NDC1: variants seen among roughly 807,000 people sequenced by gnomAD.
NDC1 encodes NDC1 transmembrane nucleoporin.
NDC1 carries 24 observed loss-of-function variants against 89.8 expected under a neutral mutation model. The ratio of observed to expected loss-of-function variants is 0.27; its 90% confidence interval spans 0.19 to 0.38. The LOEUF is 0.38. Ranked by LOEUF, NDC1 falls within the 10% of genes least tolerant of loss-of-function variation. The probability of loss-of-function intolerance (pLI) is 1.00; values close to 1 mark genes in which losing one functional copy is unlikely to be tolerated. For synonymous variants in NDC1, 296 were observed against 284.8 expected, an observed-to-expected ratio of 1.04 and a Z score of -0.39; for missense variants, 728 against 797.6, an observed-to-expected ratio of 0.91 and a Z score of 1.05.
chr1:53,783,805 C>T (rs1647243150), intron 16 of NDC1, among the ~76,000 whole-genome samples: 1 of 152,172 alleles, frequency 6.6e-6, no homozygotes. Context: ...AGATGCAGCC[C>T]CTTAATCTTG....
At position 53,796,659 on chromosome 1, in the gene NDC1, A is replaced by G. The variant is rs772035710; in HGVS notation, c.1584+30T>C. On this transcript the variant is annotated intron_variant, in intron 13 of 17. Coordinates refer to ENST00000371429, the MANE Select transcript of NDC1 (RefSeq NM_018087.5). ...CTTAATGTTCTCAATTTTACATGCA[A>G]ATATAAATCCTATAACCATATCATC... 3.6e-6 allele frequency: 5 copies of G among 1,400,160 alleles called. No individual in the cohort carries two copies. In the African/African-American group the frequency reaches 7.2e-5, roughly 20 times the overall value. The allele number at this position is 1,400,160 out of a possible 1,614,324, so 86.7% of individuals were successfully genotyped here.
chr1:53,793,047 AGTGAGAT>A (rs1647574868), intron 14 of NDC1, among the ~76,000 whole-genome samples, 175 bp downstream of exon 14: 1 of 152,234 alleles, frequency 6.6e-6, no homozygotes, highest in Non-Finnish European at 1.5e-5. Flanking sequence ...AAGCCACTGA[AGTGAGAT>A]GTGTGTCTAG....
At chr1:53,808,448 A>AC (rs1353633334) in intron 7 of NDC1, among the ~76,000 whole-genome samples, 1 of 152,222 alleles carries the variant, frequency 6.6e-6, no homozygotes, top group African/African-American at 2.4e-5. Flanking sequence ...CCTCATCCAT[A>AC]TAAGAGTGGC....
intron 13 of NDC1, among the ~76,000 whole-genome samples, chr1:53,794,211 A>C (rs1647619723): frequency 6.6e-6 from 1 of 152,294 alleles, no homozygotes; most frequent in South Asian, 2.1e-4. Context: ...CCCGGGCTCA[A>C]GCAATGTTCC....
At chr1:53,780,334 A>G (rs1311347713) in intron 16 of NDC1, among the ~76,000 whole-genome samples, 2 of 152,134 alleles carry the variant, frequency 1.3e-5, no homozygotes, top group African/African-American at 2.4e-5. Context: ...TCAGCCTCCC[A>G]AAGTCCTGGG....
At chr1:53,796,249 A>T (rs1647693503) in intron 13 of NDC1, among the ~76,000 whole-genome samples, 1 of 152,178 alleles carries the variant, frequency 6.6e-6, no homozygotes, top group South Asian at 2.1e-4. Context: ...GTTGAGATGC[A>T]TCTTACAGTC....
chr1:53,826,070 T>A, intron 4 of NDC1, 134 bp from the exon 5 acceptor site: 1 of 823,122 alleles, frequency 1.2e-6, no homozygotes, highest in Non-Finnish European at 1.9e-6. Flanking sequence ...ACAAGATGGC[T>A]CGTTTTCAGT....
At chr1:53,786,842 A>T (rs546555597) in intron 16 of NDC1, among the ~76,000 whole-genome samples, 2 of 152,214 alleles carry the variant, frequency 1.3e-5, no homozygotes, top group South Asian at 4.1e-4. Flanking sequence ...GACTACAAGC[A>T]TACACCACCA....
chr1:53,792,099 C>A (rs191532082), intron 14 of NDC1, among the ~76,000 whole-genome samples: 2 of 151,798 alleles, frequency 1.3e-5, no homozygotes, highest in African/African-American at 4.9e-5. Flanking sequence ...CCCACCACTG[C>A]GCCTGGCTAA....
At chr1:53,829,302 C>G (rs1164528905) in intron 3 of NDC1, among the ~76,000 whole-genome samples, 1 of 152,144 alleles carries the variant, frequency 6.6e-6, no homozygotes, top group Non-Finnish European at 1.5e-5. Flanking sequence ...ACCAGAAATG[C>G]CCACAAGGTC....
At chr1:53,803,573 A>ATT (rs34936602) in intron 10 of NDC1, among the ~76,000 whole-genome samples, 3 of 150,588 alleles carry the variant, frequency 2.0e-5, no homozygotes, top group African/African-American at 7.3e-5. Flanking sequence ...AAGTTAATTA[A>ATT]TTTTTTTTTT....
At chr1:53,828,499 AT>A (rs397700607) in intron 3 of NDC1, among the ~76,000 whole-genome samples, 32 of 150,296 alleles carry the variant, frequency 2.1e-4, no homozygotes, top group Non-Finnish European at 3.6e-4. Flanking sequence ...AAGAATAATG[AT>A]TTTTTTTTTC....
rs976298233 is a variant in NDC1 at position 53,809,039 on chromosome 1, C to T, written c.755+656G>A. 3.3e-5 allele frequency among the ~76,000 whole-genome samples: 5 copies of T among 152,168 alleles called. No individual in the cohort carries two copies. In the South Asian group the frequency reaches 1.0e-3, roughly 32 times the overall value. On this transcript the variant is annotated intron_variant, in intron 7 of 17. Transcript: ENST00000371429. ...GTGCAAAGTGCATAGAAGATTACTA[C>T]AACAATATACAACCGTGCTGTCACT...
Position 53,809,728 on chromosome 1 carries a change from C to A in NDC1, c.722G>T (p.Trp241Leu). ...YYFLGYIPKAWISTAMNLHID... is the reference protein window; with the variant it reads ...YYFLGYIPKALISTAMNLHID... ...GTGAAGGTTCATAGCAGTGCTAATC[C>A]AAGCTTTGGGAATATAGCCTGAAGG... is the stretch of plus-strand genomic sequence containing the variant. Residue 241 changes from tryptophan (W) to leucine (L), a missense_variant, in exon 7 of 18, where the codon TGG becomes TTG. Physicochemically the swap from Trp to Leu is moderately conservative, Grantham distance 61. Transcript: ENST00000371429. 1.2e-6 allele frequency: 2 copies of A among 1,612,612 alleles called. No homozygotes were observed. The highest frequency in any genetic ancestry group is 2.2e-5 in the South Asian group (2 of 90,962).
At chr1:53,799,536 T>C (rs1044607238) in intron 11 of NDC1, among the ~76,000 whole-genome samples, 3 of 152,244 alleles carry the variant, frequency 2.0e-5, no homozygotes, top group African/African-American at 7.2e-5. Flanking sequence ...ATCTATATAG[T>C]GATTTTTAAA....
intron 16 of NDC1, among the ~76,000 whole-genome samples, chr1:53,776,581 G>T (rs1028726773): frequency 1.3e-5 from 2 of 151,996 alleles, no homozygotes; most frequent in South Asian, 4.1e-4. Context: ...GATTACATAG[G>T]TGACTGCATT....
intron 14 of NDC1, among the ~76,000 whole-genome samples, chr1:53,791,734 G>A (rs1056090413): frequency 6.6e-6 from 1 of 152,132 alleles, no homozygotes; most frequent in Non-Finnish European, 1.5e-5. Context: ...AAGAAAACAG[G>A]AGATCTTGGT....
At chr1:53,835,662 A>T (rs1241810162) in intron 1 of NDC1, 42 bp from the exon 2 acceptor site, 3 of 1,566,774 alleles carry the variant, frequency 1.9e-6, no homozygotes, top group Non-Finnish European at 2.6e-6. Context: ...AAGTCAGTTA[A>T]ATTATTTCAG....
rs1322229516 is a variant in NDC1 at position 53,807,879 on chromosome 1, A to G, written c.756-88T>C. ...TAAGTCTCCACATTGAGACACAAAT[A>G]TTATGTCTAAATAACAATGTTGACA... On this transcript the variant is annotated intron_variant, in intron 7 of 17. Transcript: ENST00000371429. 5 of 1,183,866 alleles carry G rather than the reference A, an allele frequency of 4.2e-6. No individual in the cohort carries two copies. In the East Asian group the frequency reaches 1.2e-4, roughly 29 times the overall value. The allele number at this position is 1,183,866 out of a possible 1,614,324, so 73.3% of individuals were successfully genotyped here. A position where few individuals can be genotyped will look rare whatever the true frequency, so the allele number is the denominator to read the frequency against.
Sources: gnomAD v4.1 joint callset for allele counts (sites outside exome capture counted in the v4.1 genomes callset) on GRCh38, gnomAD v4.1.1 for gene constraint, MANE v1.5 for transcripts, NCBI Gene and HGNC (gene_info 2026-07-23, HGNC 2026-07-21) for gene names.